NF2: variants seen among roughly 807,000 people sequenced by gnomAD.
The protein encoded by NF2 is NF2, moesin-ezrin-radixin like (MERLIN) tumor suppressor.
A neutral mutation model predicts 83.7 loss-of-function variants in NF2; 8 were observed. That is an observed-to-expected ratio of 0.10 (90% confidence interval 0.06 to 0.17). The LOEUF (loss-of-function observed/expected upper bound fraction) is 0.17. Among genes scored for constraint, NF2 ranks in the 10% least tolerant of loss-of-function variants. The pLI, the probability that NF2 is intolerant of heterozygous loss-of-function variation, is 1.00. For synonymous variants in NF2, 266 were observed against 269.6 expected (o/e 0.99, Z 0.13); for missense variants, 533 against 744.4 (o/e 0.72, Z 3.31).
intron 10 of NF2, among the ~76,000 whole-genome samples, chr22:29,670,911 C>T (rs956105392): frequency 1.1e-4 from 16 of 152,184 alleles, no homozygotes; most frequent in Non-Finnish European, 1.9e-4. Flanking sequence ...CTGTGCAAGT[C>T]TGTGCTGTGG....
chr22:29,629,021 A>G (rs1426188822), intron 1 of NF2, among the ~76,000 whole-genome samples: 1 of 148,482 alleles, frequency 6.7e-6, no homozygotes, highest in Non-Finnish European at 1.5e-5. Flanking sequence ...CTCTCTCCCC[A>G]CTCCCCTCTT....
rs578071985 is a variant in NF2 at position 29,617,500 on chromosome 22, C to T, written c.114+13388C>T. On this transcript the variant is annotated intron_variant, in intron 1 of 15. Coordinates refer to ENST00000338641, the MANE Select transcript of NF2 (RefSeq NM_000268.4). Reference sequence around the variant, plus strand: ...CACCCCATCCCAGTTGTTGTGACAACCAAAAATGTCTTCAGACATTGTCAA... The same window carrying T: ...CACCCCATCCCAGTTGTTGTGACAATCAAAAATGTCTTCAGACATTGTCAA... 5.3e-5 allele frequency among the ~76,000 whole-genome samples: 8 copies of T among 152,096 alleles called. No homozygotes were observed. The South Asian group carries it at 1.2e-3, about 24-fold the overall frequency.
chr22:29,696,089 T>C lies in NF2; in HGVS notation c.*1287T>C, dbSNP rs1323789315. 279 of 219,214 alleles carry C rather than the reference T, an allele frequency of 1.3e-3. 1 individual carries two copies. Among genetic ancestry groups the C allele is most frequent in the Non-Finnish European group, 1.9e-3 (211 of 111,154 alleles). The allele number at this position is 219,214 out of a possible 1,614,324, so 13.6% of individuals were successfully genotyped here. A position where few individuals can be genotyped will look rare whatever the true frequency, so the allele number is the denominator to read the frequency against. ...TTCTTTTTTTTTTTTTTTTTTTTTT[T>C]CCGAGATGGAGTCTCTCTCTGTCAC... On this transcript the variant is annotated 3_prime_UTR_variant, in exon 16 of 16. Transcript: ENST00000338641.
chr22:29,630,257 T>G (rs778431979), intron 1 of NF2, among the ~76,000 whole-genome samples: 2 of 152,220 alleles, frequency 1.3e-5, no homozygotes, highest in Non-Finnish European at 2.9e-5. Flanking sequence ...AACAGAAAAG[T>G]ACTGCATTCC....
At chr22:29,680,563 G>A (rs1425639404) in intron 14 of NF2, among the ~76,000 whole-genome samples, 1 of 152,238 alleles carries the variant, frequency 6.6e-6, no homozygotes, top group Non-Finnish European at 1.5e-5. Context: ...TTCTGGCCAT[G>A]CCTTGTAGTT....
At chr22:29,613,096 CAA>C (rs940233394) in intron 1 of NF2, among the ~76,000 whole-genome samples, 4 of 134,448 alleles carry the variant, frequency 3.0e-5, no homozygotes, top group African/African-American at 2.8e-5. Flanking sequence ...AACTCCATCT[CAA>C]AAAAAAAAAA....
intron 1 of NF2, among the ~76,000 whole-genome samples, chr22:29,606,023 C>T (rs2064785244): frequency 6.6e-6 from 1 of 151,566 alleles, no homozygotes; most frequent in African/African-American, 2.4e-5. Flanking sequence ...GGTGTGATCT[C>T]GCCTCACCGC....
chr22:29,631,634 G>A (rs747213648), intron 1 of NF2, among the ~76,000 whole-genome samples: 2 of 152,174 alleles, frequency 1.3e-5, no homozygotes, highest in Non-Finnish European at 2.9e-5. Context: ...ATCATCCTTG[G>A]TGTGAAGCAG....
chr22:29,673,551 T>G, intron 12 of NF2, 65 bp downstream of exon 12: 1 of 1,517,952 alleles, frequency 6.6e-7, no homozygotes, highest in South Asian at 1.2e-5. Flanking sequence ...CAGCCTGCCC[T>G]GAGGCTGAGC....
At position 29,603,845 on chromosome 22, in the gene NF2, C is replaced by A; in HGVS notation, c.-154C>A. 1.6e-6 allele frequency: 1 copy of A among 607,134 alleles called. No homozygotes were observed. Among genetic ancestry groups the A allele is most frequent in the Non-Finnish European group, 2.9e-6 (1 of 347,584 alleles). The allele number at this position is 607,134 out of a possible 1,614,324, so 37.6% of individuals were successfully genotyped here. A position where few individuals can be genotyped will look rare whatever the true frequency, so the allele number is the denominator to read the frequency against. On this transcript the variant is annotated 5_prime_UTR_variant, in exon 1 of 16. It adds an upstream start codon to the 5' untranslated region. Coordinates refer to ENST00000338641, the MANE Select transcript of NF2 (RefSeq NM_000268.4). ...TCAGGCAGGGTCCTCGCGGCCCATG[C>A]TGGCCGCTGGGGACCCGCGCAGCCC...
At position 29,620,410 on chromosome 22, in the gene NF2, ACT is replaced by A. The variant is rs199667596; in HGVS notation, c.114+16301_114+16302del. On this transcript the variant is annotated intron_variant, in intron 1 of 15. Coordinates refer to ENST00000338641, the MANE Select transcript of NF2 (RefSeq NM_000268.4). Reference sequence around the variant, plus strand: ...CATGAAGCCTGGGTGACAGAGTGAGACTCTGTCTCTTTTATTTATTTGTTTTT... The same window carrying A: ...CATGAAGCCTGGGTGACAGAGTGAGACTGTCTCTTTTATTTATTTGTTTTT... Among the ~76,000 whole-genome samples, 929 of 152,004 alleles carry A rather than the reference ACT, an allele frequency of 6.1e-3. 5 individuals are homozygous for A. Among genetic ancestry groups the A allele is most frequent in the Admixed American group, 0.027 (406 of 15,256 alleles).
chr22:29,627,619 A>G (rs1459821210), intron 1 of NF2, among the ~76,000 whole-genome samples: 1 of 152,136 alleles, frequency 6.6e-6, no homozygotes, highest in Non-Finnish European at 1.5e-5. Context: ...AGAATCTAGG[A>G]TACAGACCTC....
rs770116644 is a variant in NF2, at chr22:29,639,074, C to G, written c.241-16C>G. On this transcript the variant is annotated splice_polypyrimidine_tract_variant and intron_variant, in intron 2 of 15. Coordinates refer to ENST00000338641, the MANE Select transcript of NF2 (RefSeq NM_000268.4). ...GCCAATATAGTGTGTTTGTCTTTTGCTCTGCAATTCTGCAGGTACTGGATC... is the reference window on the plus strand; with the variant it reads ...GCCAATATAGTGTGTTTGTCTTTTGGTCTGCAATTCTGCAGGTACTGGATC... The G allele has an allele frequency of 1.2e-6, 2 of 1,614,194 alleles. No homozygotes were observed. Among genetic ancestry groups the G allele is most frequent in the South Asian group, 1.1e-5 (1 of 91,088 alleles).
At chr22:29,669,671 T>C (rs2066724127) in intron 10 of NF2, among the ~76,000 whole-genome samples, 1 of 152,202 alleles carries the variant, frequency 6.6e-6, no homozygotes, top group Non-Finnish European at 1.5e-5. Context: ...TGGCAGAGAA[T>C]AGCAGGAACA....
chr22:29,636,688 G>C lies in NF2; in HGVS notation c.115-63G>C, dbSNP rs2146850285. On this transcript the variant is annotated intron_variant, in intron 1 of 15. Transcript: ENST00000338641. This position sits in a 1 kb window ranked among gnomAD's most constrained non-coding sequence, Gnocchi z 4.4. ...TTGGAACCTGAGAGTGGAGAGTGCA[G>C]AGAAAAGGTTTTATTAATGATTTTT... 1 of 1,611,920 alleles carries C rather than the reference G, an allele frequency of 6.2e-7. No individual in the cohort carries two copies. Among genetic ancestry groups the C allele is most frequent in the Non-Finnish European group, 8.5e-7 (1 of 1,178,252 alleles).
chr22:29,666,161 A>G (rs987355975), intron 9 of NF2, among the ~76,000 whole-genome samples: 2 of 150,910 alleles, frequency 1.3e-5, no homozygotes, highest in African/African-American at 4.9e-5. Context: ...TTACTTCTAT[A>G]CTTTTTTTTT....
chr22:29,646,900 C>G (rs2065997830), intron 4 of NF2, among the ~76,000 whole-genome samples: 1 of 151,884 alleles, frequency 6.6e-6, no homozygotes, highest in Admixed American at 6.6e-5. Flanking sequence ...AAAAATTAGC[C>G]AGGCGTGGTG....
At chr22:29,607,220 GA>G (rs926180666) in intron 1 of NF2, among the ~76,000 whole-genome samples, 1 of 152,136 alleles carries the variant, frequency 6.6e-6, no homozygotes, top group Admixed American at 6.5e-5. Flanking sequence ...GGCAGAGGTG[GA>G]AAAAAATGCT....
At chr22:29,614,978 G>A (rs115892445) in intron 1 of NF2, among the ~76,000 whole-genome samples, 19 of 152,190 alleles carry the variant, frequency 1.2e-4, no homozygotes, top group African/African-American at 4.3e-4. Context: ...GAGGACAGGA[G>A]TTCAAGACTA....
Sources: gnomAD v4.1 joint callset for allele counts (sites outside exome capture counted in the v4.1 genomes callset) on GRCh38, gnomAD v4.1.1 for gene constraint, Gnocchi (gnomAD v3.1) non-coding constraint, MANE v1.5 for transcripts, NCBI Gene and HGNC (gene_info 2026-07-23, HGNC 2026-07-21) for gene names.